CRISPLD2: variants seen among roughly 807,000 people sequenced by gnomAD.
CRISPLD2 encodes the protein cysteine rich secretory protein LCCL domain containing 2, also known as cysteine-rich secretory protein LCCL domain-containing 2.
Under a neutral mutation model 71.1 loss-of-function variants are expected in CRISPLD2, and 47 were observed. The observed-to-expected ratio is 0.66, with a 90% confidence interval of 0.52 to 0.84. CRISPLD2 has a LOEUF of 0.84. CRISPLD2 is among the 40% of genes least tolerant of loss of function. The pLI is 0.00. For synonymous variants in CRISPLD2, 317 were observed against 250.1 expected (o/e 1.27, Z -2.52); for missense variants, 830 against 651.1 (o/e 1.27, Z -2.99).
At chr16:84,892,358 C>G (rs2071670313) in intron 14 of CRISPLD2, among the ~76,000 whole-genome samples, 3 of 152,244 alleles carry the variant, frequency 2.0e-5, no homozygotes, top group Admixed American at 2.0e-4. Context: ...GCGAACCTGG[C>G]AAACCTGACA....
In CRISPLD2 at chr16:84,880,577, A is replaced by G. The variant is rs771225379; in HGVS notation, c.1298A>G (p.Tyr433Cys). The G allele has an allele frequency of 2.5e-6, 4 of 1,612,830 alleles. No individual in the cohort carries two copies. The highest frequency in any genetic ancestry group is 3.3e-5 in the Admixed American group (2 of 59,986). The change falls in exon 13 of 15, where the codon TAT (tyrosine) becomes TGT (cysteine). Residue 433 changes from tyrosine to cysteine, a missense_variant. Tyr to Cys is a radical substitution (Grantham distance 194, BLOSUM62 -2). Coordinates refer to ENST00000262424, the MANE Select transcript of CRISPLD2 (RefSeq NM_031476.4). ...GCTCCGGTGTTTGGAACCAACATCTATGCAGATGTGAGTAGGATGCATTTT... is the reference window on the plus strand; with the variant it reads ...GCTCCGGTGTTTGGAACCAACATCTGTGCAGATGTGAGTAGGATGCATTTT... ...YWAPVFGTNI[Y>C]ADTSSICKTA...
At chr16:84,852,037 G>T (rs1234631663) in intron 5 of CRISPLD2, among the ~76,000 whole-genome samples, 4 of 152,162 alleles carry the variant, frequency 2.6e-5, no homozygotes, top group African/African-American at 7.2e-5. Context: ...GCAGATCAAG[G>T]TGTGGCAGAT....
chr16:84,907,183 CAA>C lies in CRISPLD2; in HGVS notation c.*543_*544del, dbSNP rs1431880956. The C allele has an allele frequency of 1.2e-5, 2 of 170,354 alleles. No individual in the cohort carries two copies. Among genetic ancestry groups the C allele is most frequent in the Admixed American group, 1.2e-4 (2 of 16,870 alleles). The allele number at this position is 170,354 out of a possible 1,614,324, so 10.6% of individuals were successfully genotyped here. A position where few individuals can be genotyped will look rare whatever the true frequency, so the allele number is the denominator to read the frequency against. ...TTTTAATGTTTGCTGGTCAGACAGA[CAA>C]ATGGGCTAGAGTAAGAGGGCTGCGG... On this transcript the variant is annotated 3_prime_UTR_variant, in exon 15 of 15. Transcript: ENST00000262424.
At chr16:84,891,572 C>G (rs186548210) in intron 14 of CRISPLD2, among the ~76,000 whole-genome samples, 1 of 152,202 alleles carries the variant, frequency 6.6e-6, no homozygotes, top group African/African-American at 2.4e-5. Flanking sequence ...ATTTCCTGGC[C>G]GGGCTGGAAA....
chr16:84,907,047 G>A lies in CRISPLD2; in HGVS notation c.*405G>A, dbSNP rs928959881. 11 of 220,088 alleles carry A rather than the reference G, an allele frequency of 5.0e-5. No individual in the cohort carries two copies. Among genetic ancestry groups the A allele is most frequent in the Middle Eastern group, 1.9e-3 (1 of 534 alleles). 13.6% of individuals were successfully genotyped at this position (220,088 alleles called of 1,614,324 possible). A position where few individuals can be genotyped will look rare whatever the true frequency, so the allele number is the denominator to read the frequency against. On this transcript the variant is annotated 3_prime_UTR_variant, in exon 15 of 15. Transcript: ENST00000262424. Reference sequence around the variant, plus strand: ...AAGCTCACAATTGTGAAGCATTCACGGCGTCGGAAGAGGCCTTTTGAGCAA... The same window carrying A: ...AAGCTCACAATTGTGAAGCATTCACAGCGTCGGAAGAGGCCTTTTGAGCAA...
chr16:84,889,481 C>T (rs930598256), intron 14 of CRISPLD2, 118 bp downstream of exon 14: 10 of 1,077,038 alleles, frequency 9.3e-6, no homozygotes, highest in Middle Eastern at 2.2e-4. Flanking sequence ...TAGACTTGCA[C>T]GAATTCTTAC....
chr16:84,853,334 G>C (rs1917141395), intron 5 of CRISPLD2, among the ~76,000 whole-genome samples: 1 of 152,236 alleles, frequency 6.6e-6, no homozygotes, highest in African/African-American at 2.4e-5. Context: ...TTCTTTTTGG[G>C]GGAGTCATCC....
chr16:84,858,692 A>C (rs561379934), intron 6 of CRISPLD2, among the ~76,000 whole-genome samples: 1 of 152,344 alleles, frequency 6.6e-6, no homozygotes, highest in East Asian at 1.9e-4. Context: ...TATGACACAA[A>C]GCTGGAGAAT....
intron 1 of CRISPLD2, among the ~76,000 whole-genome samples, chr16:84,831,895 T>G (rs1287421459): frequency 6.6e-6 from 1 of 152,132 alleles, no homozygotes; most frequent in African/African-American, 2.4e-5. Flanking sequence ...CCACCACACC[T>G]GGCTAAGGTT....
intron 14 of CRISPLD2, 107 bp downstream of exon 14, chr16:84,889,470 G>A (rs1441214909): frequency 5.7e-6 from 7 of 1,228,282 alleles, no homozygotes; most frequent in Admixed American, 5.7e-5. Context: ...TAAAACTCGG[G>A]TAGACTTGCA....
chr16:84,862,300 T>C (rs1917405986), intron 6 of CRISPLD2, among the ~76,000 whole-genome samples: 2 of 152,054 alleles, frequency 1.3e-5, no homozygotes, highest in South Asian at 4.2e-4. Flanking sequence ...CCTCCCGGCC[T>C]CAAGGGATCC....
intron 6 of CRISPLD2, among the ~76,000 whole-genome samples, chr16:84,859,893 G>A (rs1280944346): frequency 1.3e-5 from 2 of 152,204 alleles, no homozygotes; most frequent in Non-Finnish European, 2.9e-5. Context: ...TTTAAATTTT[G>A]TAGTTGAGTG....
At chr16:84,874,163 C>T (rs2071499229) in intron 11 of CRISPLD2, among the ~76,000 whole-genome samples, 200 bp downstream of exon 11, 1 of 152,192 alleles carries the variant, frequency 6.6e-6, no homozygotes, top group Admixed American at 6.5e-5. Context: ...GGCCTGAGAT[C>T]ACTGAACCAG....
chr16:84,871,860 T>C (rs1048579706), intron 8 of CRISPLD2, among the ~76,000 whole-genome samples: 2 of 142,566 alleles, frequency 1.4e-5, no homozygotes, highest in African/African-American at 5.4e-5. Context: ...CCTTGTTTTT[T>C]TTCAAATGAG....
chr16:84,877,376 C>G, intron 11 of CRISPLD2, 62 bp from the exon 12 acceptor site: 2 of 1,507,036 alleles, frequency 1.3e-6, no homozygotes, highest in East Asian at 4.5e-5. Context: ...ATTGCACAGC[C>G]TGGTAGCCTG....
At chr16:84,822,703 G>A (rs1295882969) in intron 1 of CRISPLD2, among the ~76,000 whole-genome samples, 1 of 152,160 alleles carries the variant, frequency 6.6e-6, no homozygotes, top group Admixed American at 6.5e-5. Context: ...GAGTGGAACA[G>A]ATGCTCAGAC....
chr16:84,900,005 C>G (rs527733166), intron 14 of CRISPLD2, among the ~76,000 whole-genome samples: 1 of 152,236 alleles, frequency 6.6e-6, no homozygotes, highest in East Asian at 1.9e-4. Context: ...CTTACATCCC[C>G]CAAGGCCTGA....
Position 84,868,864 on chromosome 16 carries a change from A to G in CRISPLD2, c.867A>G (p.Arg289=), listed in dbSNP as rs1597468184. 5 of 1,612,012 alleles carry G rather than the reference A, an allele frequency of 3.1e-6. No homozygotes were observed. The highest frequency in any genetic ancestry group is 1.7e-5 in the Admixed American group (1 of 59,590). The part of the protein sequence containing the change: ...SAVNYMTQVV[R]CDTKMKDRCK... ...TTTCTCTCCTAGCCCAAGTCGTCAG[A>G]TGTGACACCAAGATGAAGGACAGGT... Residue 289 remains arginine (R), a synonymous_variant, in exon 8 of 15, where the codon AGA becomes AGG. Transcript: ENST00000262424.
intron 14 of CRISPLD2, among the ~76,000 whole-genome samples, chr16:84,900,118 G>A (rs2071740485): frequency 6.6e-6 from 1 of 152,100 alleles, no homozygotes; most frequent in Admixed American, 6.6e-5. Flanking sequence ...AGCCACCTGC[G>A]GCCAAGCGTT....
Sources: allele counts gnomAD v4.1 joint callset (sites outside exome capture counted in the v4.1 genomes callset), GRCh38; gene constraint gnomAD v4.1.1; transcripts MANE v1.5; gene names NCBI Gene and HGNC (gene_info 2026-07-23, HGNC 2026-07-21).